The following CEP112 variants were observed in gnomAD, a reference collection of about 807,000 sequenced individuals.
CEP112 encodes centrosomal protein 112.
In CEP112, 127 loss-of-function variants were observed where a neutral mutation model predicts 153.0. That is an observed-to-expected ratio of 0.83 (90% CI 0.72 to 0.96). CEP112 has a LOEUF of 0.96. CEP112 is among the 40% of genes least tolerant of loss of function. The probability of loss-of-function intolerance (pLI) is 0.00; values close to 1 mark genes in which losing one functional copy is unlikely to be tolerated. For synonymous variants in CEP112, 358 were observed against 374.4 expected (o/e 0.96, Z 0.51); for missense variants, 1,089 against 1,101.2 (o/e 0.99, Z 0.16).
chr17:66,084,723 A>G (rs1273950517), intron 8 of CEP112, among the ~76,000 whole-genome samples: 1 of 152,148 alleles, frequency 6.6e-6, no homozygotes, highest in Non-Finnish European at 1.5e-5. Flanking sequence ...AAAAAGTAGA[A>G]AGAACGAAGA....
chr17:66,140,100 C>G (rs1472912956), intron 4 of CEP112, among the ~76,000 whole-genome samples: 1 of 152,114 alleles, frequency 6.6e-6, no homozygotes, highest in Non-Finnish European at 1.5e-5. Context: ...GGATTTATCC[C>G]TAAGATGCCA....
At chr17:65,685,576 A>G (rs989868735) in intron 24 of CEP112, among the ~76,000 whole-genome samples, 3 of 152,174 alleles carry the variant, frequency 2.0e-5, no homozygotes, top group South Asian at 2.1e-4. Flanking sequence ...AGTGAAAAAT[A>G]CATTCATAAT....
chr17:66,083,538 A>AT, intron 8 of CEP112, among the ~76,000 whole-genome samples: 1 of 152,246 alleles, frequency 6.6e-6, no homozygotes, highest in African/African-American at 2.4e-5. Flanking sequence ...CTAAATTTTT[A>AT]TTTTATACCA....
rs371170390 is a variant in CEP112, at chr17:65,772,673, AC to A, written c.2395-21950del. 1.6e-4 allele frequency among the ~76,000 whole-genome samples: 25 copies of A among 152,126 alleles called. No homozygotes were observed. In the East Asian group the frequency reaches 2.7e-3, roughly 16 times the overall value. On this transcript the variant is annotated intron_variant, in intron 21 of 26. Coordinates refer to ENST00000535342, the MANE Select transcript of CEP112 (RefSeq NM_001199165.4). ...CCTCTGCACTGTGTTAGTTTTGCAA[AC>A]ATTTACTTTGAGGACCTTCTCCGGG... is the stretch of plus-strand genomic sequence containing the variant.
At chr17:66,138,267 G>A (rs751330993) in intron 4 of CEP112, among the ~76,000 whole-genome samples, 4 of 152,186 alleles carry the variant, frequency 2.6e-5, no homozygotes, top group Admixed American at 1.3e-4. Context: ...GAAGCAGGTG[G>A]TTGGTCAGGC....
At chr17:66,118,493 G>A (rs930075586) in intron 6 of CEP112, among the ~76,000 whole-genome samples, 2 of 152,040 alleles carry the variant, frequency 1.3e-5, no homozygotes, top group African/African-American at 2.4e-5. Context: ...ATGTGCTAAT[G>A]TGCTAGCTAT....
At chr17:66,075,433 G>C (rs558807251) in intron 8 of CEP112, among the ~76,000 whole-genome samples, 1 of 151,620 alleles carries the variant, frequency 6.6e-6, no homozygotes, top group African/African-American at 2.4e-5. Context: ...AACATACAAA[G>C]GGAAAGTATA....
chr17:65,920,827 C>A (rs548498675), intron 19 of CEP112, among the ~76,000 whole-genome samples: 1 of 152,188 alleles, frequency 6.6e-6, no homozygotes, highest in Non-Finnish European at 1.5e-5. Flanking sequence ...CCACACTCCC[C>A]TTATCTCTGA....
chr17:66,133,921 T>C (rs1311851246), intron 4 of CEP112, among the ~76,000 whole-genome samples: 1 of 152,196 alleles, frequency 6.6e-6, no homozygotes, highest in African/African-American at 2.4e-5. Flanking sequence ...AAAGCTGTTT[T>C]AAAGAGAGCT....
chr17:65,745,984 C>T (rs952149421), intron 22 of CEP112, among the ~76,000 whole-genome samples: 7 of 151,488 alleles, frequency 4.6e-5, no homozygotes, highest in East Asian at 1.9e-4. Context: ...GCCAACATGG[C>T]GAAACCCCGT....
intron 6 of CEP112, among the ~76,000 whole-genome samples, chr17:66,114,917 T>A (rs1279745412): frequency 6.6e-6 from 1 of 151,672 alleles, no homozygotes; most frequent in Non-Finnish European, 1.5e-5. Context: ...AAAAAAAAAA[T>A]TGCCTGGCCA....
chr17:65,894,951 G>A (rs141112289), intron 20 of CEP112, among the ~76,000 whole-genome samples: 1,704 of 152,032 alleles, frequency 0.011, 16 homozygotes, highest in Middle Eastern at 0.095. Context: ...TGAAACTACC[G>A]GCTAATACTT....
At chr17:65,910,086 C>T (rs1198590828) in intron 19 of CEP112, among the ~76,000 whole-genome samples, 1 of 152,074 alleles carries the variant, frequency 6.6e-6, no homozygotes, top group African/African-American at 2.4e-5. Context: ...AAAAAGAAAA[C>T]ACTCTCTAAT....
chr17:65,854,339 C>A (rs562959565), intron 20 of CEP112, among the ~76,000 whole-genome samples: 2 of 152,090 alleles, frequency 1.3e-5, no homozygotes, highest in African/African-American at 4.8e-5. Context: ...TTAATTTTAA[C>A]AATTTTGTGA....
chr17:65,838,845 G>A (rs1460352653), intron 21 of CEP112, among the ~76,000 whole-genome samples: 1 of 151,740 alleles, frequency 6.6e-6, no homozygotes, highest in Non-Finnish European at 1.5e-5. Context: ...GAAATACAAA[G>A]TATCAGTAGA....
intron 19 of CEP112, among the ~76,000 whole-genome samples, chr17:65,907,866 C>T (rs2060139954): frequency 6.6e-6 from 1 of 152,210 alleles, no homozygotes; most frequent in South Asian, 2.1e-4. Flanking sequence ...AGTAGCACAT[C>T]TTCTTCATGT....
chr17:65,960,365 C>CATTT (rs1266921149), intron 18 of CEP112, among the ~76,000 whole-genome samples: 1 of 151,940 alleles, frequency 6.6e-6, no homozygotes, highest in Non-Finnish European at 1.5e-5. Context: ...AACAAAAAAA[C>CATTT]ATTTATGCCT....
At chr17:65,900,003 T>C (rs1302307245) in intron 20 of CEP112, among the ~76,000 whole-genome samples, 1 of 152,184 alleles carries the variant, frequency 6.6e-6, no homozygotes, top group Admixed American at 6.5e-5. Flanking sequence ...ATACATTACA[T>C]TATTTAGACC....
intron 23 of CEP112, among the ~76,000 whole-genome samples, chr17:65,719,118 A>AACAGTG: frequency 6.6e-6 from 1 of 152,252 alleles, no homozygotes; most frequent in South Asian, 2.1e-4. Flanking sequence ...CCTTTCACAC[A>AACAGTG]ACAGTGGGTT....
Sources: gnomAD v4.1 joint callset for allele counts (sites outside exome capture counted in the v4.1 genomes callset) on GRCh38, gnomAD v4.1.1 for gene constraint, MANE v1.5 for transcripts, NCBI Gene and HGNC (gene_info 2026-07-23, HGNC 2026-07-21) for gene names.